NF2: variants seen among roughly 807,000 people sequenced by gnomAD.
NF2 encodes merlin.
A neutral mutation model predicts 83.7 loss-of-function variants in NF2; 8 were observed. The ratio of observed to expected loss-of-function variants is 0.10; its 90% confidence interval spans 0.06 to 0.17. The LOEUF (loss-of-function observed/expected upper bound fraction) is 0.17, where lower values mean the gene tolerates loss of function less well. Ranked by LOEUF, NF2 falls within the 10% of genes least tolerant of loss-of-function variation. The pLI, the probability that NF2 is intolerant of heterozygous loss-of-function variation, is 1.00. For missense variants in NF2, 533 were observed against 744.4 expected (o/e 0.72, Z 3.31); for synonymous variants, 266 against 269.6 (o/e 0.99, Z 0.13).
rs974740595 is a variant in NF2, at chr22:29,695,888, C to A, written c.*1086C>A. The A allele has an allele frequency of 1.3e-5, 3 of 233,426 alleles. No homozygotes were observed. Among genetic ancestry groups the A allele is most frequent in the Non-Finnish European group, 2.5e-5 (3 of 118,264 alleles). The allele number at this position is 233,426 out of a possible 1,614,324, so 14.5% of individuals were successfully genotyped here. ...CTCTTCGGGCCCTGAATTTTCTGTT[C>A]CCTGGGGGCCAGCCAGGGCCCTTTG... On this transcript the variant is annotated 3_prime_UTR_variant, in exon 16 of 16. Transcript: ENST00000338641. The surrounding 1 kb of genome is among the most constrained non-coding windows in gnomAD (Gnocchi z 5.4).
intron 6 of NF2, among the ~76,000 whole-genome samples, 196 bp from the exon 7 acceptor site, chr22:29,657,993 A>G (rs1054484919): frequency 6.6e-6 from 1 of 152,170 alleles, no homozygotes; most frequent in African/African-American, 2.4e-5. Context: ...TGGGGATGGG[A>G]AATTCTGCTT....
At chr22:29,664,888 T>G in intron 8 of NF2, 102 bp from the exon 9 acceptor site, 5 of 826,086 alleles carry the variant, frequency 6.1e-6, no homozygotes, top group Non-Finnish European at 1.0e-5. Flanking sequence ...CATAACTTCA[T>G]GCTGGTCTGT....
intron 1 of NF2, among the ~76,000 whole-genome samples, chr22:29,633,419 T>G (rs1326370892): frequency 1.3e-5 from 2 of 152,170 alleles, no homozygotes; most frequent in Admixed American, 1.3e-4. Flanking sequence ...AGGCACCTGT[T>G]CTGTGACTCT....
At chr22:29,619,237 G>T (rs1050690736) in intron 1 of NF2, among the ~76,000 whole-genome samples, 1 of 152,060 alleles carries the variant, frequency 6.6e-6, no homozygotes, top group African/African-American at 2.4e-5. Context: ...TAAAGACAGG[G>T]TTTCTCCATG....
Position 29,603,794 on chromosome 22 carries a change from G to A in NF2, c.-205G>A, listed in dbSNP as rs999700117. ...CTGTGCCCTCCCTGCAGCCGTCAGGGCCCGTCCCCCAACTCCCCTTTCCGC... is the reference window on the plus strand; with the variant it reads ...CTGTGCCCTCCCTGCAGCCGTCAGGACCCGTCCCCCAACTCCCCTTTCCGC... On this transcript the variant is annotated 5_prime_UTR_variant, in exon 1 of 16. Coordinates refer to ENST00000338641, the MANE Select transcript of NF2 (RefSeq NM_000268.4). The A allele has an allele frequency of 3.5e-6, 2 of 574,086 alleles. No homozygotes were observed. Among genetic ancestry groups the A allele is most frequent in the Non-Finnish European group, 6.1e-6 (2 of 326,146 alleles). 35.6% of individuals were successfully genotyped at this position (574,086 alleles called of 1,614,324 possible). A position where few individuals can be genotyped will look rare whatever the true frequency, so the allele number is the denominator to read the frequency against.
chr22:29,673,768 G>A (rs570058137), intron 12 of NF2, among the ~76,000 whole-genome samples: 2 of 152,358 alleles, frequency 1.3e-5, no homozygotes, highest in South Asian at 4.1e-4. Flanking sequence ...CGTGTGTGCA[G>A]GAAAACCCCT....
intron 12 of NF2, among the ~76,000 whole-genome samples, chr22:29,673,917 G>A (rs2066885637): frequency 6.6e-6 from 1 of 152,222 alleles, no homozygotes; most frequent in Admixed American, 6.5e-5. Context: ...AGGGAAGCTA[G>A]TGCCTGCATC....
chr22:29,688,151 C>T (rs1891914022), intron 15 of NF2, among the ~76,000 whole-genome samples: 1 of 152,228 alleles, frequency 6.6e-6, no homozygotes, highest in Non-Finnish European at 1.5e-5. Flanking sequence ...GGTTAAGAGA[C>T]TTTACCTGGT....
intron 4 of NF2, among the ~76,000 whole-genome samples, chr22:29,646,682 G>A (rs1361393144): frequency 6.6e-6 from 1 of 152,164 alleles, no homozygotes; most frequent in African/African-American, 2.4e-5. Flanking sequence ...TACCCTCAAA[G>A]TATAAATACA....
chr22:29,681,413 G>C (rs779334081), intron 14 of NF2, 26 bp from the exon 15 acceptor site: 2 of 1,613,110 alleles, frequency 1.2e-6, no homozygotes, highest in Non-Finnish European at 1.7e-6. Context: ...CCCAAGCCCT[G>C]ATGCATGATA....
chr22:29,617,229 A>G (rs2065104495), intron 1 of NF2, among the ~76,000 whole-genome samples: 1 of 152,172 alleles, frequency 6.6e-6, no homozygotes, highest in South Asian at 2.1e-4. Context: ...GTGTCCATCC[A>G]GGAAAGGGAT....
At chr22:29,629,359 A>G (rs144404694) in intron 1 of NF2, among the ~76,000 whole-genome samples, 304 of 152,322 alleles carry the variant, frequency 2.0e-3, no homozygotes, top group African/African-American at 7.0e-3. Context: ...TACTTTTATA[A>G]CTTTCCATTG....
intron 2 of NF2, among the ~76,000 whole-genome samples, chr22:29,638,367 T>A (rs966121564): frequency 6.6e-6 from 1 of 150,952 alleles, no homozygotes; most frequent in Non-Finnish European, 1.5e-5. Flanking sequence ...TTTTTTTTTT[T>A]AAGACAGAGT....
chr22:29,675,012 TTCATCTGGC>T, intron 13 of NF2, 71 bp downstream of exon 13: 1 of 1,352,838 alleles, frequency 7.4e-7, no homozygotes, highest in Non-Finnish European at 1.0e-6. Context: ...GGCCCTTCAG[TTCATCTGGC>T]GGTGCCTTCA....
At chr22:29,661,079 G>C (rs1325522818) in intron 7 of NF2, 126 bp from the exon 8 acceptor site, 1 of 1,366,682 alleles carries the variant, frequency 7.3e-7, no homozygotes, top group East Asian at 2.3e-5. Context: ...TAAGACAGCT[G>C]TGACTTCTGT....
chr22:29,667,739 G>A (rs1327070635), intron 9 of NF2, among the ~76,000 whole-genome samples: 1 of 151,900 alleles, frequency 6.6e-6, no homozygotes. Flanking sequence ...CTTTTTTTAT[G>A]TCTTGACAAT....
Position 29,639,032 on chromosome 22 carries a change from G to A in NF2, c.241-58G>A, listed in dbSNP as rs79901896. On this transcript the variant is annotated intron_variant, in intron 2 of 15. Transcript: ENST00000338641. ...ACGCCTTGCAAAGGCTTCTTTGAGG[G>A]TAGCACAGGAGGAAGTGCCAATATA... 106,548 of 1,612,590 alleles carry A rather than the reference G, an allele frequency of 0.066. 3,778 individuals are homozygous for A. The highest frequency in any genetic ancestry group is 0.084 in the African/African-American group (6,269 of 74,968).
At position 29,695,639 on chromosome 22, in the gene NF2, C is replaced by T. The variant is rs2147176198; in HGVS notation, c.*837C>T. The stretch of plus-strand genomic sequence containing the variant: ...TTCCTGTGTGGGGCTGGGGTACTCC[C>T]TGGTCGTACTGCAGTCAGCACCCGT... On this transcript the variant is annotated 3_prime_UTR_variant, in exon 16 of 16. Transcript: ENST00000338641. The surrounding 1 kb of genome is among the most constrained non-coding windows in gnomAD (Gnocchi z 5.4). The T allele has an allele frequency of 4.3e-6, 1 of 234,050 alleles. No homozygotes were observed. Among genetic ancestry groups the T allele is most frequent in the East Asian group, 6.0e-5 (1 of 16,732 alleles). The allele number at this position is 234,050 out of a possible 1,614,324, so 14.5% of individuals were successfully genotyped here.
At chr22:29,609,131 A>C in intron 1 of NF2, 1 of 752,098 alleles carries the variant, frequency 1.3e-6, no homozygotes, top group East Asian at 2.5e-5. Flanking sequence ...AGGGGCTTTG[A>C]TTAAAGACAT....
Sources: allele counts gnomAD v4.1 joint callset (sites outside exome capture counted in the v4.1 genomes callset), GRCh38; gene constraint gnomAD v4.1.1; non-coding constraint Gnocchi (gnomAD v3.1); transcripts MANE v1.5; gene names NCBI Gene and HGNC (gene_info 2026-07-23, HGNC 2026-07-21).